Variants in ZCCHC4 observed in about 807,000 individuals in gnomAD.
The protein encoded by ZCCHC4 is rRNA N(6)-adenosine-methyltransferase ZCCHC4.
In ZCCHC4, 54 loss-of-function variants were observed where a neutral mutation model predicts 67.7. That is an observed-to-expected ratio of 0.80 (90% confidence interval 0.64 to 1.00). The LOEUF is 1.00. ZCCHC4 is among the 50% of genes least tolerant of loss of function. The pLI, the probability that ZCCHC4 is intolerant of heterozygous loss-of-function variation, is 0.00. For synonymous variants in ZCCHC4, 198 were observed against 213.5 expected, an observed-to-expected ratio of 0.93 and a Z score of 0.63; for missense variants, 609 against 617.0, an observed-to-expected ratio of 0.99 and a Z score of 0.14.
At chr4:25,368,383 C>T (rs903644693) in intron 12 of ZCCHC4, among the ~76,000 whole-genome samples, 1 of 152,186 alleles carries the variant, frequency 6.6e-6, no homozygotes, top group African/African-American at 2.4e-5. Flanking sequence ...GTGTGGAGAA[C>T]ACCAGAAACA....
intron 3 of ZCCHC4, among the ~76,000 whole-genome samples, chr4:25,324,094 C>G (rs1718733496): frequency 7.2e-6 from 1 of 139,122 alleles, no homozygotes; most frequent in African/African-American, 2.7e-5. Flanking sequence ...TCACTGCAAT[C>G]TCCACCTCCC....
In ZCCHC4 at chr4:25,358,838, A is replaced by G. The variant is rs189201765; in HGVS notation, c.1012-3021A>G. ...TAATTACCCTGCTAACGCTGTACAT[A>G]TGGCCTGTGCCTAGGTTGGCTCATG... is the stretch of plus-strand genomic sequence containing the variant. On this transcript the variant is annotated intron_variant, in intron 8 of 12. Transcript: ENST00000302874. Among the ~76,000 whole-genome samples the G allele has an allele frequency of 1.1e-4, 16 of 152,350 alleles. No homozygotes were observed. The East Asian group carries it at 3.1e-3, about 29-fold the overall frequency.
rs377598800 is a variant in ZCCHC4, at chr4:25,333,923, C to A, written c.621C>A (p.Ile207=). The A allele has an allele frequency of 6.3e-7, 1 of 1,599,486 alleles. No individual in the cohort carries two copies. Among genetic ancestry groups the A allele is most frequent in the South Asian group, 1.1e-5 (1 of 87,380 alleles). The change falls in exon 5 of 13, where the codon ATC becomes ATA. Residue 207 remains isoleucine, a synonymous_variant. Coordinates refer to ENST00000302874, the MANE Select transcript of ZCCHC4 (RefSeq NM_024936.3). ...ATTGCTTTAGGTTGCATGAGCTGAT[C>A]AAGTTGACAGCATCAGGTGACAAGA... The part of the protein sequence containing the change: ...CVGTPRLHEL[I]KLTASGDKKS...
intron 5 of ZCCHC4, among the ~76,000 whole-genome samples, chr4:25,338,143 A>G (rs1719554061): frequency 6.6e-6 from 1 of 152,210 alleles, no homozygotes; most frequent in South Asian, 2.1e-4. Context: ...CTAAGCTGGA[A>G]TGCAATGGTG....
chr4:25,351,403 A>G (rs572913523), intron 7 of ZCCHC4, among the ~76,000 whole-genome samples, 186 bp from the exon 8 acceptor site: 118 of 152,340 alleles, frequency 7.7e-4, no homozygotes, highest in Non-Finnish European at 1.3e-3. Flanking sequence ...ATATAAAGGA[A>G]TATGTCCACT....
intron 3 of ZCCHC4, among the ~76,000 whole-genome samples, chr4:25,329,533 C>CT (rs56340221): frequency 0.47 from 59,952 of 127,060 alleles, 14,087 homozygotes; most frequent in Non-Finnish European, 0.54. Context: ...TTATATTTTC[C>CT]TTTTTTTTTT....
At chr4:25,364,705 G>A (rs1720875704) in intron 11 of ZCCHC4, among the ~76,000 whole-genome samples, 200 bp downstream of exon 11, 1 of 152,184 alleles carries the variant, frequency 6.6e-6, no homozygotes, top group South Asian at 2.1e-4. Flanking sequence ...TTGCTAACCT[G>A]TTTCAGTGTG....
rs548755945 is a variant in ZCCHC4 at position 25,315,911 on chromosome 4, T to C, written c.329+511T>C. ...ATTATTTTTTATAGAGATAAGGTCT[T>C]GCTATGTTGCCCAGAACTCCTGGTC... On this transcript the variant is annotated intron_variant, in intron 3 of 12. Transcript: ENST00000302874. 6.0e-4 allele frequency among the ~76,000 whole-genome samples: 91 copies of C among 152,150 alleles called. 1 individual carries two copies. Among genetic ancestry groups the C allele is most frequent in the African/African-American group, 2.1e-3 (88 of 41,514 alleles).
chr4:25,317,765 C>T (rs1159573559), intron 3 of ZCCHC4, among the ~76,000 whole-genome samples: 1 of 146,344 alleles, frequency 6.8e-6, no homozygotes. Flanking sequence ...GAGGTAGGCA[C>T]TGTGCTAGGT....
intron 3 of ZCCHC4, among the ~76,000 whole-genome samples, chr4:25,319,152 G>C (rs1278741849): frequency 1.3e-5 from 2 of 152,226 alleles, no homozygotes; most frequent in African/African-American, 4.8e-5. Flanking sequence ...GGGAGGCCTA[G>C]GCGGGTGGAT....
rs531168486 is a variant in ZCCHC4 at position 25,349,383 on chromosome 4, TA to T, written c.760-106del. The T allele has an allele frequency of 1.1e-4, 117 of 1,066,208 alleles. 1 individual carries two copies. The highest frequency in any genetic ancestry group is 1.0e-3 in the Admixed American group (42 of 40,386). The allele number at this position is 1,066,208 out of a possible 1,614,324, so 66.0% of individuals were successfully genotyped here. On this transcript the variant is annotated intron_variant, in intron 6 of 12. Coordinates refer to ENST00000302874, the MANE Select transcript of ZCCHC4 (RefSeq NM_024936.3). ...ATGCTGCGGTGGCAAGATGACTTGG[TA>T]AAGTTTCCAGTATTAAGAGAGAGAC... is the stretch of plus-strand genomic sequence containing the variant.
chr4:25,360,797 A>T (rs1420861003), intron 8 of ZCCHC4, among the ~76,000 whole-genome samples: 1 of 152,132 alleles, frequency 6.6e-6, no homozygotes, highest in Non-Finnish European at 1.5e-5. Flanking sequence ...CACATTCCTG[A>T]TGGGGGGGCA....
intron 8 of ZCCHC4, chr4:25,352,026 C>T (rs561913244): frequency 2.2e-5 from 22 of 1,010,310 alleles, no homozygotes; most frequent in Middle Eastern, 9.5e-4. Context: ...ATTTTGCAGC[C>T]CCCCCACCCC....
intron 3 of ZCCHC4, among the ~76,000 whole-genome samples, chr4:25,330,147 C>T (rs1300943067): frequency 1.3e-5 from 2 of 151,676 alleles, no homozygotes; most frequent in East Asian, 3.9e-4. Context: ...TGCTCCACCA[C>T]GCCTGGCTAA....
At position 25,333,913 on chromosome 4, in the gene ZCCHC4, A is replaced by T; in HGVS notation, c.611A>T (p.His204Leu). 1.3e-6 allele frequency: 2 copies of T among 1,595,924 alleles called. No homozygotes were observed. Among genetic ancestry groups the T allele is most frequent in the Non-Finnish European group, 1.7e-6 (2 of 1,175,538 alleles). Residue 204 changes from histidine to leucine, a missense_variant, in exon 5 of 13, where the codon CAT (histidine) becomes CTT (leucine). Coordinates refer to ENST00000302874, the MANE Select transcript of ZCCHC4 (RefSeq NM_024936.3). ...RVLCVGTPRL[H>L]ELIKLTASGD... ...GCTTTCACTAATTGCTTTAGGTTGC[A>T]TGAGCTGATCAAGTTGACAGCATCA...
At chr4:25,362,132 C>T in intron 9 of ZCCHC4, 94 bp from the exon 10 acceptor site, 1 of 1,447,028 alleles carries the variant, frequency 6.9e-7, no homozygotes, top group South Asian at 1.3e-5. Context: ...ATTCAGATTG[C>T]ACCCAGTTTT....
intron 6 of ZCCHC4, 33 bp from the exon 7 acceptor site, chr4:25,349,459 C>A (rs1450456898): frequency 6.2e-7 from 1 of 1,608,034 alleles, no homozygotes; most frequent in Admixed American, 1.7e-5. Context: ...TCTCTCTAGT[C>A]CTAATTTAGA....
At chr4:25,329,658 C>T (rs1029759364) in intron 3 of ZCCHC4, among the ~76,000 whole-genome samples, 1 of 151,694 alleles carries the variant, frequency 6.6e-6, no homozygotes. Context: ...CCTCAGCCTC[C>T]CGAGTAGCTG....
chr4:25,351,950 C>T lies in ZCCHC4; in HGVS notation c.1011+261C>T, dbSNP rs1018532936. 38 of 1,109,168 alleles carry T rather than the reference C, an allele frequency of 3.4e-5. No individual in the cohort carries two copies. The South Asian group carries it at 5.9e-4, about 17-fold the overall frequency. The allele number at this position is 1,109,168 out of a possible 1,614,324, so 68.7% of individuals were successfully genotyped here. ...CCAAGAAAAAATATCTCACCAAGCT[C>T]CTTGGGTGACTCCAAGTGTGCTAGG... On this transcript the variant is annotated intron_variant, in intron 8 of 12. Coordinates refer to ENST00000302874, the MANE Select transcript of ZCCHC4 (RefSeq NM_024936.3).
Sources: gnomAD v4.1 joint callset for allele counts (sites outside exome capture counted in the v4.1 genomes callset) on GRCh38, gnomAD v4.1.1 for gene constraint, MANE v1.5 for transcripts, NCBI Gene and HGNC (gene_info 2026-07-23, HGNC 2026-07-21) for gene names.